TACC1: variants seen among roughly 807,000 people sequenced by gnomAD.
TACC1 encodes the protein transforming acidic coiled-coil containing protein 1.
Under a neutral mutation model 84.4 loss-of-function variants are expected in TACC1, and 48 were observed. That is an observed-to-expected ratio of 0.57 (90% CI 0.45 to 0.72). The LOEUF (loss-of-function observed/expected upper bound fraction) is 0.72, where lower values mean the gene tolerates loss of function less well. TACC1 is among the 30% of genes least tolerant of loss of function. The pLI, the probability that TACC1 is intolerant of heterozygous loss-of-function variation, is 0.00. For missense variants in TACC1, 920 were observed against 973.0 expected (o/e 0.95, Z 0.72); for synonymous variants, 372 against 376.3 (o/e 0.99, Z 0.13).
intron 2 of TACC1, among the ~76,000 whole-genome samples, chr8:38,805,159 A>G (rs2152095104): frequency 6.6e-6 from 1 of 152,266 alleles, no homozygotes. Context: ...TCCCTGAGGA[A>G]TCACTGAGCG....
chr8:38,738,360 C>T (rs574371691), intron 1 of TACC1, among the ~76,000 whole-genome samples: 7 of 152,188 alleles, frequency 4.6e-5, no homozygotes, highest in East Asian at 1.9e-4. Flanking sequence ...AGTGGAGCCT[C>T]GGCTTCCCAA....
At chr8:38,743,004 T>C (rs1329183128) in intron 2 of TACC1, among the ~76,000 whole-genome samples, 2 of 152,256 alleles carry the variant, frequency 1.3e-5, no homozygotes, top group African/African-American at 4.8e-5. Context: ...CGTGAGCCAC[T>C]GCACCCAGCC....
intron 2 of TACC1, among the ~76,000 whole-genome samples, chr8:38,814,956 A>T (rs1349374758): frequency 6.6e-6 from 1 of 152,230 alleles, no homozygotes; most frequent in Non-Finnish European, 1.5e-5. Context: ...ATTTTTAGCA[A>T]ATCCATCATG....
At chr8:38,773,687 T>A (rs1353711095) in intron 3 of TACC1, among the ~76,000 whole-genome samples, 1 of 152,070 alleles carries the variant, frequency 6.6e-6, no homozygotes, top group African/African-American at 2.4e-5. Context: ...AGATTTGCAA[T>A]CTTTATTCAG....
chr8:38,813,052 A>G (rs1355537349), intron 2 of TACC1, among the ~76,000 whole-genome samples: 5 of 152,154 alleles, frequency 3.3e-5, no homozygotes, highest in Non-Finnish European at 5.9e-5. Flanking sequence ...CTTTCCTCTT[A>G]ATAGTTGTGC....
intron 2 of TACC1, among the ~76,000 whole-genome samples, chr8:38,743,356 G>A (rs997399773): frequency 3.3e-5 from 5 of 152,198 alleles, no homozygotes; most frequent in Admixed American, 6.5e-5. Flanking sequence ...GGAAGAGAAA[G>A]GAAACATTCT....
At chr8:38,815,515 G>A (rs1435882169) in intron 2 of TACC1, among the ~76,000 whole-genome samples, 2 of 152,062 alleles carry the variant, frequency 1.3e-5, no homozygotes, top group Non-Finnish European at 2.9e-5. Context: ...TGCCTCCCAG[G>A]TTCAAGCGAT....
upstream of TACC1, among the ~76,000 whole-genome samples, chr8:38,786,158 T>G (rs1386056175): frequency 6.6e-6 from 1 of 152,166 alleles, no homozygotes; most frequent in East Asian, 1.9e-4. Context: ...CAGTACCACC[T>G]GGAACACCTT....
chr8:38,827,222 G>A lies in TACC1; in HGVS notation c.1507G>A (p.Ala503Thr). 1 of 1,614,194 alleles carries A rather than the reference G, an allele frequency of 6.2e-7. No homozygotes were observed. The highest frequency in any genetic ancestry group is 1.3e-5 in the African/African-American group (1 of 75,054). ...AGACATTTCTAATAGGGATGGCCAT[G>A]CTACTGATGAGGAGAAACTGGCATC... ...ISDISNRDGH[A>T]TDEEKLASTS... Residue 503 changes from alanine to threonine, a missense_variant, in exon 5 of 13, where the codon GCT becomes ACT. Coordinates refer to ENST00000317827, the MANE Select transcript of TACC1 (RefSeq NM_006283.3).
chr8:38,772,872 A>C (rs1245064141), intron 3 of TACC1, among the ~76,000 whole-genome samples: 1 of 151,984 alleles, frequency 6.6e-6, no homozygotes, highest in Non-Finnish European at 1.5e-5. Context: ...ATAAATAAAC[A>C]CTAATAAAAC....
intron 2 of TACC1, among the ~76,000 whole-genome samples, chr8:38,796,304 T>C (rs1301800142): frequency 2.6e-5 from 4 of 152,206 alleles, no homozygotes; most frequent in African/African-American, 7.2e-5. Context: ...TTGGAACATA[T>C]TATACAGCTT....
chr8:38,729,695 C>T (rs1190415696), intron 1 of TACC1, among the ~76,000 whole-genome samples: 2 of 152,004 alleles, frequency 1.3e-5, no homozygotes, highest in African/African-American at 4.8e-5. Context: ...ATGGTGGAAC[C>T]CTATCTCTAC....
chr8:38,843,199 T>G (rs1442342826), intron 10 of TACC1, 90 bp from the exon 11 acceptor site: 2 of 857,324 alleles, frequency 2.3e-6, no homozygotes, highest in Non-Finnish European at 3.6e-6. Context: ...AATTAGATTT[T>G]TCCATTCTTT....
At chr8:38,768,799 G>A (rs1224571557) in intron 3 of TACC1, among the ~76,000 whole-genome samples, 2 of 151,992 alleles carry the variant, frequency 1.3e-5, no homozygotes, top group South Asian at 2.1e-4. Flanking sequence ...TTGGGGGTAG[G>A]TGTGGTGTGT....
chr8:38,802,446 G>C (rs1037271707), intron 2 of TACC1: 3 of 152,308 alleles, frequency 2.0e-5, no homozygotes, highest in Admixed American at 6.5e-5. Context: ...TGCACTCCTT[G>C]TGAGAATCTA....
chr8:38,780,728 A>C (rs964382494), intron 3 of TACC1, among the ~76,000 whole-genome samples: 1 of 152,174 alleles, frequency 6.6e-6, no homozygotes, highest in Non-Finnish European at 1.5e-5. Flanking sequence ...TCCCCTCGGA[A>C]TTTTGATTGA....
chr8:38,781,089 C>T (rs948743235), intron 3 of TACC1, among the ~76,000 whole-genome samples: 6 of 152,142 alleles, frequency 3.9e-5, no homozygotes, highest in Non-Finnish European at 7.4e-5. Flanking sequence ...TTTCTCCCCA[C>T]ATCCTCCTAG....
At chr8:38,817,707 A>G (rs1035781500) in intron 2 of TACC1, among the ~76,000 whole-genome samples, 2 of 152,120 alleles carry the variant, frequency 1.3e-5, no homozygotes, top group Admixed American at 6.5e-5. Context: ...TATCTGAAGT[A>G]TGTTTGTGAA....
At chr8:38,822,470 A>G (rs1399758880) in intron 3 of TACC1, among the ~76,000 whole-genome samples, 1 of 152,172 alleles carries the variant, frequency 6.6e-6, no homozygotes, top group African/African-American at 2.4e-5. Context: ...CTTGGACATT[A>G]CTGTACACTA....
Sources: allele counts gnomAD v4.1 joint callset (sites outside exome capture counted in the v4.1 genomes callset), GRCh38; gene constraint gnomAD v4.1.1; transcripts MANE v1.5; gene names NCBI Gene and HGNC (gene_info 2026-07-23, HGNC 2026-07-21).